Variants in RRBP1 observed in about 807,000 individuals in gnomAD.
The protein encoded by RRBP1 is ribosome-binding protein 1.
RRBP1 carries 94 observed loss-of-function variants against 165.2 expected under a neutral mutation model. The observed-to-expected ratio is 0.57, with a 90% CI of 0.48 to 0.68. RRBP1 has a LOEUF of 0.68. Among genes scored for constraint, RRBP1 ranks in the 30% least tolerant of loss-of-function variants. The pLI, the probability that RRBP1 is intolerant of heterozygous loss-of-function variation, is 0.00. For missense variants in RRBP1, 1,676 were observed against 1,763.0 expected (o/e 0.95, Z 0.88); for synonymous variants, 680 against 714.5 (o/e 0.95, Z 0.77).
chr20:17,662,456 T>A (rs959869089), intron 2 of RRBP1, among the ~76,000 whole-genome samples: 1 of 152,118 alleles, frequency 6.6e-6, no homozygotes, highest in Non-Finnish European at 1.5e-5. Context: ...TCACTCGGCG[T>A]TGAGCGAGAC....
intron 12 of RRBP1, 101 bp from the exon 13 acceptor site, chr20:17,624,769 CA>C: frequency 1.2e-6 from 1 of 802,944 alleles, no homozygotes; most frequent in Non-Finnish European, 2.1e-6. Flanking sequence ...TCCTTGATGC[CA>C]CCCTGGCCCA....
chr20:17,647,917 G>A (rs1600757771), intron 3 of RRBP1, among the ~76,000 whole-genome samples: 1 of 152,100 alleles, frequency 6.6e-6, no homozygotes, highest in African/African-American at 2.4e-5. Context: ...TGCCTTCCAC[G>A]CCCTGTAGTC....
intron 2 of RRBP1, among the ~76,000 whole-genome samples, chr20:17,676,672 C>T (rs955300797): frequency 2.6e-5 from 4 of 152,196 alleles, no homozygotes; most frequent in Admixed American, 6.5e-5. Context: ...ACACAGTCCA[C>T]GGCTGCCACA....
chr20:17,624,099 C>A (rs532246471), intron 13 of RRBP1, among the ~76,000 whole-genome samples: 2 of 152,346 alleles, frequency 1.3e-5, no homozygotes, highest in South Asian at 2.1e-4. Context: ...AGCTCTGTAC[C>A]CTCAGCCAGA....
intron 2 of RRBP1, among the ~76,000 whole-genome samples, chr20:17,673,068 T>C (rs2037008760): frequency 6.6e-6 from 1 of 152,230 alleles, no homozygotes; most frequent in Non-Finnish European, 1.5e-5. Context: ...ATGTTTAGCT[T>C]GTGGATACTT....
intron 3 of RRBP1, among the ~76,000 whole-genome samples, chr20:17,644,055 G>A (rs1345362614): frequency 1.3e-5 from 2 of 148,858 alleles, no homozygotes; most frequent in Non-Finnish European, 2.9e-5. Flanking sequence ...CACCTTGGGA[G>A]GACAAAGGAG....
At chr20:17,642,941 G>A (rs1244319482) in intron 4 of RRBP1, 38 bp downstream of exon 4, 5 of 1,603,342 alleles carry the variant, frequency 3.1e-6, no homozygotes, top group Non-Finnish European at 4.3e-6. Flanking sequence ...GCCAGCTGCA[G>A]TGGCCTCTGA....
intron 3 of RRBP1, among the ~76,000 whole-genome samples, chr20:17,656,070 G>C (rs2036640223): frequency 6.6e-6 from 1 of 152,198 alleles, no homozygotes; most frequent in South Asian, 2.1e-4. Context: ...GGTGTCTGGG[G>C]AGTGGCCCAA....
At chr20:17,672,858 T>C (rs145241685) in intron 2 of RRBP1, among the ~76,000 whole-genome samples, 210 of 152,264 alleles carry the variant, frequency 1.4e-3, no homozygotes, top group African/African-American at 4.7e-3. Flanking sequence ...ACACGTAACG[T>C]TGAGTGAAAG....
At chr20:17,615,618 G>C in intron 22 of RRBP1, 89 bp from the exon 23 acceptor site, 1 of 1,109,692 alleles carries the variant, frequency 9.0e-7, no homozygotes. Flanking sequence ...GGGGACCAGG[G>C]GGCCCCCCCA....
In RRBP1 at chr20:17,643,700, T is replaced by C. The variant is rs1438031836; in HGVS notation, c.1913-573A>G. ...AGTGCAAACCCTATTTCTAGCTCCC[T>C]GGATGAAGCCCAGGCAGTGACAGGG... On this transcript the variant is annotated intron_variant, in intron 3 of 24. Transcript: ENST00000377813. This position sits in a 1 kb window ranked among gnomAD's most constrained non-coding sequence, Gnocchi z 4.3. 6.6e-6 allele frequency among the ~76,000 whole-genome samples: 1 copy of C among 152,110 alleles called. No homozygotes were observed.
At position 17,636,558 on chromosome 20, in the gene RRBP1, C is replaced by G. The variant is rs201064074; in HGVS notation, c.2337+19G>C. On this transcript the variant is annotated intron_variant, in intron 6 of 24. Coordinates refer to ENST00000377813, the MANE Select transcript of RRBP1 (RefSeq NM_001365613.2). ...TGGGTCCTGTCCCTTCCCATGCCCC[C>G]GCCAGCCACTACACCCACCTTGCCC... The G allele has an allele frequency of 6.2e-7, 1 of 1,607,864 alleles. No individual in the cohort carries two copies. Among genetic ancestry groups the G allele is most frequent in the Non-Finnish European group, 8.5e-7 (1 of 1,178,990 alleles).
Position 17,655,406 on chromosome 20 carries a change from C to T in RRBP1, c.1912+3190G>A, listed in dbSNP as rs180730806. ...TGTATTTCCTACAGTTACGGTTTATCTTGTTATCACTCATTTAATGTCTCT... is the reference window on the plus strand; with the variant it reads ...TGTATTTCCTACAGTTACGGTTTATTTTGTTATCACTCATTTAATGTCTCT... On this transcript the variant is annotated intron_variant, in intron 3 of 24. Coordinates refer to ENST00000377813, the MANE Select transcript of RRBP1 (RefSeq NM_001365613.2). Among the ~76,000 whole-genome samples the T allele has an allele frequency of 2.0e-5, 3 of 152,340 alleles. No homozygotes were observed. In the East Asian group the frequency reaches 5.8e-4, roughly 29 times the overall value.
chr20:17,620,689 C>T (rs1047161055), intron 17 of RRBP1, 26 bp downstream of exon 17: 4 of 1,576,150 alleles, frequency 2.5e-6, no homozygotes, highest in East Asian at 4.5e-5. Context: ...TCCACGGCGC[C>T]GGGAGGCAGG....
chr20:17,669,025 T>A (rs1224749462), intron 2 of RRBP1, among the ~76,000 whole-genome samples: 1 of 152,122 alleles, frequency 6.6e-6, no homozygotes, highest in East Asian at 1.9e-4. Context: ...ATTTTTTTTT[T>A]AACCCAAAGA....
intron 9 of RRBP1, among the ~76,000 whole-genome samples, chr20:17,628,174 C>T (rs867963385): frequency 6.6e-6 from 1 of 152,126 alleles, no homozygotes; most frequent in Non-Finnish European, 1.5e-5. Context: ...GAGGTGTCCT[C>T]CTCCTCAGGT....
chr20:17,640,324 G>A (rs1475792982), intron 5 of RRBP1, among the ~76,000 whole-genome samples: 1 of 152,206 alleles, frequency 6.6e-6, no homozygotes, highest in Non-Finnish European at 1.5e-5. Flanking sequence ...ATCCAAGCAC[G>A]GAAGGGCATT....
rs76175258 is a variant in RRBP1, at chr20:17,678,338, C to T, written c.-22+1661G>A. ...TATTTTCTGTCTTTGTTACAAGTCA[C>T]CATTTTGATGCTGAGGGCATTGGGT... is the stretch of plus-strand genomic sequence containing the variant. On this transcript the variant is annotated intron_variant, in intron 2 of 24. Transcript: ENST00000377813. Among the ~76,000 whole-genome samples the T allele has an allele frequency of 6.2e-3, 938 of 152,314 alleles. 5 individuals are homozygous for T. The highest frequency in any genetic ancestry group is 9.2e-3 in the Non-Finnish European group (629 of 68,020).
intron 9 of RRBP1, among the ~76,000 whole-genome samples, chr20:17,628,359 G>GC (rs1466497485): frequency 3.3e-5 from 5 of 152,140 alleles, no homozygotes; most frequent in Non-Finnish European, 7.4e-5. Flanking sequence ...CACTGCCGAA[G>GC]CCTACGAGCC....
Sources: allele counts gnomAD v4.1 joint callset (sites outside exome capture counted in the v4.1 genomes callset), GRCh38; gene constraint gnomAD v4.1.1; non-coding constraint Gnocchi (gnomAD v3.1); transcripts MANE v1.5; gene names NCBI Gene and HGNC (gene_info 2026-07-23, HGNC 2026-07-21).